Variants in MYOM2 observed in about 807,000 individuals in gnomAD.
The protein encoded by MYOM2 is myomesin 2.
MYOM2 carries 254 observed loss-of-function variants against 187.6 expected under a neutral mutation model. The ratio of observed to expected loss-of-function variants is 1.35; its 90% confidence interval spans 1.22 to 1.50. The LOEUF is 1.50. Among genes scored for constraint, MYOM2 ranks in the 40% most tolerant of loss-of-function variants. The pLI, the probability that MYOM2 is intolerant of heterozygous loss-of-function variation, is 0.00. For missense variants in MYOM2, 2,796 were observed against 1,924.0 expected (o/e 1.45, Z -8.48); for synonymous variants, 981 against 753.8 (o/e 1.30, Z -4.94).
chr8:2,100,412 C>T lies in MYOM2; in HGVS notation c.2441-464C>T, dbSNP rs77934421. On this transcript the variant is annotated intron_variant, in intron 19 of 36. Transcript: ENST00000262113. ...GTTTCCCTGCACCGCTTGGTGCTTG[C>T]CTGGACCTGGGCCTCCGCACCACAT... 1.3e-4 allele frequency: 22 copies of T among 163,754 alleles called. No homozygotes were observed. In the East Asian group the frequency reaches 2.8e-3, roughly 21 times the overall value. The allele number at this position is 163,754 out of a possible 1,614,324, so 10.1% of individuals were successfully genotyped here. A position where few individuals can be genotyped will look rare whatever the true frequency, so the allele number is the denominator to read the frequency against.
chr8:2,068,849 C>T (rs1005916578), intron 6 of MYOM2, among the ~76,000 whole-genome samples: 5 of 152,230 alleles, frequency 3.3e-5, no homozygotes, highest in Non-Finnish European at 7.3e-5. Context: ...AGCAGGTCCA[C>T]GGCTCTCCCA....
chr8:2,054,817 G>A (rs1426735951), intron 3 of MYOM2, among the ~76,000 whole-genome samples: 1 of 152,196 alleles, frequency 6.6e-6, no homozygotes, highest in Non-Finnish European at 1.5e-5. Context: ...TTCCCTGCAG[G>A]ACATCTGACG....
chr8:2,140,368 C>T (rs1023933659), intron 32 of MYOM2, among the ~76,000 whole-genome samples: 5 of 92,830 alleles, frequency 5.4e-5, no homozygotes, highest in Middle Eastern at 6.8e-3. Context: ...TCCAAGACCC[C>T]GTGTCCAATT....
At chr8:2,099,882 T>G (rs192491072) in intron 19 of MYOM2, among the ~76,000 whole-genome samples, 62 of 152,356 alleles carry the variant, frequency 4.1e-4, no homozygotes, top group Non-Finnish European at 7.1e-4. Context: ...TGTTTTCCAA[T>G]GTTATGGCCA....
In MYOM2 at chr8:2,101,010, T is replaced by TGGATC. The variant is rs1452513147; in HGVS notation, c.2576_2580dup (p.Thr861GlyfsTer14). The TGGATC allele has an allele frequency of 1.2e-6, 2 of 1,613,918 alleles. No individual in the cohort carries two copies. Among genetic ancestry groups the TGGATC allele is most frequent in the Non-Finnish European group, 1.7e-6 (2 of 1,179,996 alleles). ...CTTCAGGGAGGAGGATGCTGGAGAGTGGATCACTGTCAATCAGACGACAAC... is the reference window on the plus strand; with the variant it reads ...CTTCAGGGAGGAGGATGCTGGAGAGTGGATCGGATCACTGTCAATCAGACGACAAC... On this transcript the variant is annotated frameshift_variant, in exon 20 of 37. Coordinates refer to ENST00000262113, the MANE Select transcript of MYOM2 (RefSeq NM_003970.4). LOFTEE classifies it high-confidence loss of function.
intron 8 of MYOM2, among the ~76,000 whole-genome samples, chr8:2,071,612 C>G (rs1205041568): frequency 6.6e-6 from 1 of 152,214 alleles, no homozygotes; most frequent in African/African-American, 2.4e-5. Flanking sequence ...CACACACGAT[C>G]AGGTTCTCAG....
chr8:2,126,531 C>A (rs1395747834), intron 31 of MYOM2, among the ~76,000 whole-genome samples: 4 of 152,198 alleles, frequency 2.6e-5, no homozygotes, highest in South Asian at 2.1e-4. Context: ...CACACTCATA[C>A]ACACACTTAC....
chr8:2,105,535 C>G (rs1796860189), intron 21 of MYOM2, among the ~76,000 whole-genome samples: 2 of 152,178 alleles, frequency 1.3e-5, no homozygotes, highest in Admixed American at 1.3e-4. Context: ...TCATGGTGGG[C>G]ACATGGCTGC....
chr8:2,050,725 G>T (rs760421513), intron 1 of MYOM2, 30 bp from the exon 2 acceptor site: 3 of 1,349,072 alleles, frequency 2.2e-6, no homozygotes, highest in African/African-American at 1.4e-5. Flanking sequence ...TTGCGAGGGA[G>T]CTCAGTGTTG....
At chr8:2,090,777 T>C (rs1012522099) in intron 15 of MYOM2, among the ~76,000 whole-genome samples, 2 of 152,230 alleles carry the variant, frequency 1.3e-5, no homozygotes, top group African/African-American at 4.8e-5. Flanking sequence ...GCTTCACTCA[T>C]ATTCCTGCAA....
chr8:2,132,754 G>A (rs4363227), intron 32 of MYOM2, among the ~76,000 whole-genome samples: 3 of 152,012 alleles, frequency 2.0e-5, no homozygotes, highest in Non-Finnish European at 4.4e-5. Flanking sequence ...AGAAGTGCAT[G>A]CTTCAAACTC....
chr8:2,127,381 C>A (rs930701882), intron 31 of MYOM2, among the ~76,000 whole-genome samples: 9 of 152,178 alleles, frequency 5.9e-5, no homozygotes, highest in African/African-American at 2.2e-4. Context: ...TCACTCGGTT[C>A]CCTGCGCACT....
At chr8:2,094,755 T>C (rs1207168962) in intron 17 of MYOM2, among the ~76,000 whole-genome samples, 1 of 152,250 alleles carries the variant, frequency 6.6e-6, no homozygotes, top group Admixed American at 6.5e-5. Flanking sequence ...TCTAGGAACT[T>C]TAGTCACTTC....
chr8:2,129,057 C>A, intron 31 of MYOM2, 70 bp from the exon 32 acceptor site: 1 of 1,183,616 alleles, frequency 8.4e-7, no homozygotes, highest in Non-Finnish European at 1.2e-6. Context: ...GGCTTGCCGC[C>A]GCGATGCTTT....
intron 5 of MYOM2, 77 bp from the exon 6 acceptor site, chr8:2,059,075 CG>C (rs1554540650): frequency 8.2e-7 from 1 of 1,226,942 alleles, no homozygotes; most frequent in Non-Finnish European, 1.2e-6. Flanking sequence ...GCAGCAGGCG[CG>C]GGGGAGCTGG....
At chr8:2,091,869 C>T (rs1179027439) in intron 15 of MYOM2, among the ~76,000 whole-genome samples, 1 of 152,174 alleles carries the variant, frequency 6.6e-6, no homozygotes, top group Non-Finnish European at 1.5e-5. Flanking sequence ...GACCTCAGTC[C>T]GCAGTCCACT....
chr8:2,116,294 A>G lies in MYOM2; in HGVS notation c.3385+19A>G, dbSNP rs1563066393. On this transcript the variant is annotated intron_variant, in intron 27 of 36. Coordinates refer to ENST00000262113, the MANE Select transcript of MYOM2 (RefSeq NM_003970.4). ...AAACAAGGTGAGTTTCCTCACTCTG[A>G]CCGGCTCCCCTGCCCCTAGCATAAA... 5 of 1,608,062 alleles carry G rather than the reference A, an allele frequency of 3.1e-6. No homozygotes were observed. The South Asian group carries it at 5.6e-5, about 18-fold the overall frequency.
chr8:2,079,020 C>A, intron 12 of MYOM2, 87 bp downstream of exon 12: 1 of 1,305,186 alleles, frequency 7.7e-7, no homozygotes, highest in Non-Finnish European at 1.1e-6. Flanking sequence ...CCTCCCAACT[C>A]GATGTGAGCC....
At chr8:2,072,620 C>G (rs1819271956) in intron 9 of MYOM2, 111 bp downstream of exon 9, 4 of 1,314,722 alleles carry the variant, frequency 3.0e-6, no homozygotes, top group Non-Finnish European at 4.1e-6. Context: ...GGGTCAGCTC[C>G]AGACAGCGAA....
Sources: allele counts gnomAD v4.1 joint callset (sites outside exome capture counted in the v4.1 genomes callset), GRCh38; gene constraint gnomAD v4.1.1; transcripts MANE v1.5; gene names NCBI Gene and HGNC (gene_info 2026-07-23, HGNC 2026-07-21).